TAOK3: variants seen among roughly 807,000 people sequenced by gnomAD.
TAOK3 encodes TAO kinase 3.
In TAOK3, 40 loss-of-function variants were observed where a neutral mutation model predicts 120.4. The ratio of observed to expected loss-of-function variants is 0.33; its 90% CI spans 0.26 to 0.43. The LOEUF is 0.43. Among genes scored for constraint, TAOK3 ranks in the 20% least tolerant of loss-of-function variants. The pLI is 1.00. For synonymous variants in TAOK3, 355 were observed against 387.5 expected, an observed-to-expected ratio of 0.92 and a Z score of 0.99; for missense variants, 821 against 1,112.1, an observed-to-expected ratio of 0.74 and a Z score of 3.72.
intron 1 of TAOK3, among the ~76,000 whole-genome samples, chr12:118,332,762 A>T (rs1378068459): frequency 6.6e-6 from 1 of 152,192 alleles, no homozygotes; most frequent in African/African-American, 2.4e-5. Context: ...AACTTAAAGC[A>T]GTTCCTTTAT....
chr12:118,363,166 C>T (rs1355833152), intron 1 of TAOK3, among the ~76,000 whole-genome samples: 1 of 151,180 alleles, frequency 6.6e-6, no homozygotes, highest in Non-Finnish European at 1.5e-5. Flanking sequence ...AGAATATTAT[C>T]AATGTTAAAA....
chr12:118,243,817 C>T (rs2040358449), intron 4 of TAOK3, among the ~76,000 whole-genome samples: 1 of 152,090 alleles, frequency 6.6e-6, no homozygotes, highest in African/African-American at 2.4e-5. Flanking sequence ...GCTGGGACTA[C>T]AGGCGTGCAC....
intron 13 of TAOK3, among the ~76,000 whole-genome samples, chr12:118,191,298 T>A (rs1313092580): frequency 6.6e-6 from 1 of 152,210 alleles, no homozygotes; most frequent in Admixed American, 6.5e-5. Flanking sequence ...TACACCTATA[T>A]GGAGAATTGT....
chr12:118,216,699 T>C (rs1006105641), intron 9 of TAOK3, among the ~76,000 whole-genome samples: 2 of 151,632 alleles, frequency 1.3e-5, no homozygotes, highest in Non-Finnish European at 2.9e-5. Context: ...GAGGCTGAGG[T>C]GGGTGGATCA....
intron 1 of TAOK3, among the ~76,000 whole-genome samples, chr12:118,368,635 G>A (rs1156626193): frequency 2.0e-5 from 3 of 150,080 alleles, no homozygotes; most frequent in African/African-American, 4.9e-5. Flanking sequence ...GTGAAAAACC[G>A]CTTCTAATAA....
intron 3 of TAOK3, chr12:118,246,152 T>C (rs1216861062): frequency 1.3e-5 from 19 of 1,432,280 alleles, no homozygotes; most frequent in Non-Finnish European, 1.7e-5. Context: ...GGAACCGCGG[T>C]GGCTTCCGCG....
chr12:118,161,189 G>A lies in TAOK3; in HGVS notation c.2139+599C>T, dbSNP rs1010285714. ...TCATATCTGTGGCAACACTGACAAC[G>A]TCCTCCCGGATATATAGCAATGGCT... On this transcript the variant is annotated intron_variant, in intron 18 of 20. Transcript: ENST00000392533. The surrounding 1 kb of genome is among the most constrained non-coding windows in gnomAD (Gnocchi z 4.5). 1.4e-4 allele frequency among the ~76,000 whole-genome samples: 22 copies of A among 152,196 alleles called. No individual in the cohort carries two copies. The highest frequency in any genetic ancestry group is 2.8e-4 in the Non-Finnish European group (19 of 68,044).
intron 17 of TAOK3, among the ~76,000 whole-genome samples, chr12:118,165,220 A>G (rs1009156621): frequency 6.6e-6 from 1 of 152,174 alleles, no homozygotes; most frequent in East Asian, 1.9e-4. Flanking sequence ...AGGTGGCACC[A>G]AAGGATGGAG....
chr12:118,228,133 GTT>G (rs2039595284), intron 9 of TAOK3, among the ~76,000 whole-genome samples: 2 of 146,950 alleles, frequency 1.4e-5, no homozygotes, highest in Admixed American at 6.8e-5. Context: ...GTATTCTTAT[GTT>G]TTATTAGTAT....
At chr12:118,359,833 A>G (rs1213310822) in intron 1 of TAOK3, 1 of 152,228 alleles carries the variant, frequency 6.6e-6, no homozygotes, top group Non-Finnish European at 1.5e-5. Context: ...GCTAGGAACT[A>G]TTCGAACAGA....
At chr12:118,334,149 A>G (rs2044266461) in intron 1 of TAOK3, among the ~76,000 whole-genome samples, 1 of 151,808 alleles carries the variant, frequency 6.6e-6, no homozygotes, top group South Asian at 2.1e-4. Flanking sequence ...AAAAAAAAAA[A>G]AAAAAAAGAA....
chr12:118,154,150 G>C (rs973315988), intron 19 of TAOK3, among the ~76,000 whole-genome samples: 8 of 152,306 alleles, frequency 5.3e-5, no homozygotes, highest in African/African-American at 1.9e-4. Context: ...ATCAGTAAAG[G>C]CAGTGAAAGT....
intron 1 of TAOK3, among the ~76,000 whole-genome samples, chr12:118,299,199 C>A (rs1305028579): frequency 6.6e-6 from 1 of 152,054 alleles, no homozygotes; most frequent in African/African-American, 2.4e-5. Context: ...AATGTAGGAT[C>A]CCTCAAATAC....
chr12:118,344,284 T>C (rs1018588782), intron 1 of TAOK3, among the ~76,000 whole-genome samples: 4 of 151,258 alleles, frequency 2.6e-5, no homozygotes, highest in African/African-American at 9.7e-5. Context: ...GACAAAAGCA[T>C]GTGTCATAGT....
At chr12:118,290,228 G>T (rs1169302190) in intron 1 of TAOK3, among the ~76,000 whole-genome samples, 1 of 152,090 alleles carries the variant, frequency 6.6e-6, no homozygotes, top group Non-Finnish European at 1.5e-5. Flanking sequence ...AATCCTCTGC[G>T]ATCTGCTCCT....
chr12:118,156,928 C>G (rs890450873), intron 19 of TAOK3, among the ~76,000 whole-genome samples: 1 of 151,968 alleles, frequency 6.6e-6, no homozygotes, highest in Non-Finnish European at 1.5e-5. Context: ...TTAGTAGAGA[C>G]AGGGTTTTAC....
intron 5 of TAOK3, among the ~76,000 whole-genome samples, chr12:118,242,182 G>T (rs539384388): frequency 4.3e-4 from 65 of 152,006 alleles, no homozygotes; most frequent in African/African-American, 1.5e-3. Flanking sequence ...CTTGGATTTT[G>T]TAACATTTAT....
chr12:118,214,137 G>A, intron 9 of TAOK3, 27 bp from the exon 10 acceptor site: 1 of 1,577,836 alleles, frequency 6.3e-7, no homozygotes, highest in Non-Finnish European at 8.6e-7. Context: ...ACACAATAAA[G>A]TAGTTCTTGA....
At chr12:118,301,825 G>C (rs1180150218) in intron 1 of TAOK3, among the ~76,000 whole-genome samples, 1 of 133,250 alleles carries the variant, frequency 7.5e-6, no homozygotes, top group African/African-American at 2.9e-5. Flanking sequence ...CTGGGCAACA[G>C]AGTGAGACTC....
Sources: allele counts gnomAD v4.1 joint callset (sites outside exome capture counted in the v4.1 genomes callset), GRCh38; gene constraint gnomAD v4.1.1; non-coding constraint Gnocchi (gnomAD v3.1); transcripts MANE v1.5; gene names NCBI Gene and HGNC (gene_info 2026-07-23, HGNC 2026-07-21).